THOC2: variants seen among roughly 807,000 people sequenced by gnomAD.
The protein encoded by THOC2 is THO complex subunit 2.
Under a neutral mutation model 128.4 loss-of-function variants are expected in THOC2, and 10 were observed. The ratio of observed to expected loss-of-function variants is 0.08; its 90% CI spans 0.05 to 0.13. The LOEUF (loss-of-function observed/expected upper bound fraction) is 0.13, where lower values mean the gene tolerates loss of function less well. Among genes scored for constraint, THOC2 ranks in the 10% least tolerant of loss-of-function variants. The pLI is 1.00. For synonymous variants in THOC2, 393 were observed against 396.9 expected (o/e 0.99, Z 0.12); for missense variants, 535 against 1,155.7 (o/e 0.46, Z 7.79).
At chrX:123,654,758 C>CAAAAA (rs149260708) in intron 12 of THOC2, among the ~76,000 whole-genome samples, 1 of 24,362 alleles carries the variant, frequency 4.1e-5, no homozygotes, top group African/African-American at 2.1e-4. Context: ...GACTCCGTCT[C>CAAAAA]AAAAAAAAAA....
At chrX:123,645,448 T>C (rs958909575) in intron 12 of THOC2, 73 bp from the exon 13 acceptor site, 16 of 622,851 alleles carry the variant, frequency 2.6e-5, no homozygotes, top group Non-Finnish European at 3.8e-5. Context: ...ATTTCTAATT[T>C]GAAAAAACTT....
intron 2 of THOC2, among the ~76,000 whole-genome samples, chrX:123,707,588 C>T (rs988767675): frequency 5.4e-5 from 6 of 111,088 alleles, no homozygotes; most frequent in African/African-American, 2.0e-4. Context: ...TACCACAGTC[C>T]CCTTTCCTGA....
rs941408462 is a variant in THOC2, at chrX:123,629,246, C to CACACACACAT, written c.2482-1279_2482-1278insATGTGTGTGT. On this transcript the variant is annotated intron_variant, in intron 22 of 38. Transcript: ENST00000245838. Reference sequence around the variant, plus strand: ...ACACACACACACACACACACACACACATATATATGAAGATAACACAGAGTT... The same window carrying CACACACACAT: ...ACACACACACACACACACACACACACACACACACATATATATATGAAGATAACACAGAGTT... Among the ~76,000 whole-genome samples, 68 of 102,025 alleles carry CACACACACAT rather than the reference C, an allele frequency of 6.7e-4. 1 individual carries two copies. The highest frequency in any genetic ancestry group is 1.2e-3 in the Non-Finnish European group (59 of 50,846). The allele number at this position is 102,025 out of a possible 115,157, so 88.6% of individuals were successfully genotyped here.
At chrX:123,610,845 T>C (rs2046675175) in intron 38 of THOC2, 73 bp downstream of exon 38, 1 of 939,790 alleles carries the variant, frequency 1.1e-6, no homozygotes. Flanking sequence ...AAAATGCATC[T>C]AGTTTTTCAA....
At chrX:123,605,714 A>G (rs1038263639) in intron 38 of THOC2, among the ~76,000 whole-genome samples, 5 of 111,549 alleles carry the variant, frequency 4.5e-5, no homozygotes, top group African/African-American at 1.6e-4. Flanking sequence ...ACCAATACCT[A>G]TCGTCAACAT....
At chrX:123,601,921 G>C (rs1185602513) in intron 38 of THOC2, 2 of 112,548 alleles carry the variant, frequency 1.8e-5, no homozygotes, top group African/African-American at 6.5e-5. Context: ...TTAAGATGCA[G>C]TGTCTGCTAA....
intron 12 of THOC2, among the ~76,000 whole-genome samples, chrX:123,650,083 A>G (rs1374180261): frequency 8.9e-6 from 1 of 112,210 alleles, no homozygotes; most frequent in African/African-American, 3.2e-5. Flanking sequence ...CACAAAGGGA[A>G]GCCCATCAGA....
At chrX:123,692,494 CTTTTTTT>C (rs984272905) in intron 7 of THOC2, among the ~76,000 whole-genome samples, 3 of 56,912 alleles carry the variant, frequency 5.3e-5, no homozygotes, top group Non-Finnish European at 5.9e-5. Flanking sequence ...AAATAACTGC[CTTTTTTT>C]TTTTTTTTTT....
At chrX:123,636,840 T>C (rs1441193161) in intron 18 of THOC2, among the ~76,000 whole-genome samples, 1 of 111,698 alleles carries the variant, frequency 9.0e-6, no homozygotes, top group Non-Finnish European at 1.9e-5. Flanking sequence ...TAAATGATAT[T>C]GGACAAAACA....
intron 10 of THOC2, 78 bp from the exon 11 acceptor site, chrX:123,667,356 T>C: frequency 1.4e-6 from 1 of 706,138 alleles, no homozygotes; most frequent in Non-Finnish European, 2.1e-6. Context: ...CTTAAAAAAC[T>C]GACCTAAGCA....
chrX:123,686,512 A>G, intron 8 of THOC2, 36 bp downstream of exon 8: 1 of 1,055,758 alleles, frequency 9.5e-7, no homozygotes. Flanking sequence ...TAAGAAATCA[A>G]TCTCTAAATA....
At chrX:123,705,425 C>T (rs2050887000) in intron 3 of THOC2, among the ~76,000 whole-genome samples, 1 of 111,396 alleles carries the variant, frequency 9.0e-6, no homozygotes, top group Admixed American at 9.6e-5. Context: ...CTGGTTATGT[C>T]TATTTAAATG....
At chrX:123,728,093 G>T (rs1386561160) in intron 1 of THOC2, among the ~76,000 whole-genome samples, 1 of 111,602 alleles carries the variant, frequency 9.0e-6, no homozygotes, top group Non-Finnish European at 1.9e-5. Flanking sequence ...TTTAAAACAA[G>T]ACAACAAAAA....
intron 16 of THOC2, among the ~76,000 whole-genome samples, chrX:123,639,459 T>C (rs2147674891): frequency 8.9e-6 from 1 of 112,185 alleles, no homozygotes; most frequent in Admixed American, 9.5e-5. Flanking sequence ...TAGAAATCTT[T>C]CACCTCCTTG....
intron 33 of THOC2, among the ~76,000 whole-genome samples, chrX:123,617,042 CCTCAGAAACAGG>C (rs1264158973): frequency 9.0e-6 from 1 of 110,888 alleles, no homozygotes; most frequent in Non-Finnish European, 1.9e-5. Flanking sequence ...GTAAAAGCTA[CCTCAGAAACAGG>C]CTAAAGATAA....
At chrX:123,682,629 C>A (rs925605517) in intron 8 of THOC2, among the ~76,000 whole-genome samples, 1 of 111,698 alleles carries the variant, frequency 9.0e-6, no homozygotes, top group African/African-American at 3.2e-5. Context: ...TGCAACCTAC[C>A]ACTCCTGATC....
chrX:123,620,025 A>T (rs1453118432), intron 32 of THOC2: 4 of 111,537 alleles, frequency 3.6e-5, no homozygotes, highest in African/African-American at 9.8e-5. Flanking sequence ...CATTAAAAAA[A>T]AAGAAAGAAA....
intron 1 of THOC2, among the ~76,000 whole-genome samples, chrX:123,721,767 G>A (rs1203295005): frequency 9.3e-6 from 1 of 107,380 alleles, no homozygotes; most frequent in East Asian, 3.0e-4. Flanking sequence ...GCCTAGGCGA[G>A]AGAGCAAGAC....
At chrX:123,726,141 G>A (rs192802934) in intron 1 of THOC2, among the ~76,000 whole-genome samples, 142 of 110,715 alleles carry the variant, frequency 1.3e-3, no homozygotes, top group African/African-American at 4.4e-3. Flanking sequence ...CCCAGGAAGC[G>A]GAGGTTGTAG....
Sources: gnomAD v4.1 joint callset for allele counts (sites outside exome capture counted in the v4.1 genomes callset) on GRCh38, gnomAD v4.1.1 for gene constraint, MANE v1.5 for transcripts, NCBI Gene and HGNC (gene_info 2026-07-23, HGNC 2026-07-21) for gene names.